The following ASMTL variants were observed in gnomAD, a reference collection of about 807,000 sequenced individuals.
ASMTL encodes probable bifunctional dTTP/UTP pyrophosphatase/methyltransferase protein.
Under a neutral mutation model 60.3 loss-of-function variants are expected in ASMTL, and 57 were observed. That is an observed-to-expected ratio of 0.95 (90% CI 0.76 to 1.18). ASMTL has a LOEUF of 1.18. Ranked by LOEUF, ASMTL falls within the 50% of genes most tolerant of loss-of-function variation. The pLI is 0.00. For synonymous variants in ASMTL, 419 were observed against 373.0 expected (o/e 1.12, Z -1.42); for missense variants, 981 against 852.6 (o/e 1.15, Z -1.88).
At chrX:1,453,681 A>G (rs1196762804), upstream of ASMTL, 4 of 141,198 alleles carry the variant, frequency 2.8e-5, no homozygotes, top group Admixed American at 2.9e-4. Flanking sequence ...GGGAAGGTAG[A>G]GATAGGGGGT....
chrX:1,417,546 G>GACACAC (rs59114659), intron 11 of ASMTL, among the ~76,000 whole-genome samples: 41 of 137,186 alleles, frequency 3.0e-4, no homozygotes, highest in Middle Eastern at 4.5e-3. Context: ...CATGCACACA[G>GACACAC]ACACACAAGC....
intron 11 of ASMTL, among the ~76,000 whole-genome samples, chrX:1,417,555 G>C (rs2090336270): frequency 1.3e-5 from 1 of 77,964 alleles, no homozygotes; most frequent in African/African-American, 5.0e-5. Context: ...AGACACACAA[G>C]CACGACAGTC....
At chrX:1,422,446 T>C (rs2090507217) in intron 8 of ASMTL, among the ~76,000 whole-genome samples, 1 of 151,932 alleles carries the variant, frequency 6.6e-6, no homozygotes, top group Non-Finnish European at 1.5e-5. Flanking sequence ...TCAAGATAAA[T>C]CTCCTAGGTT....
intron 7 of ASMTL, 85 bp from the exon 8 acceptor site, chrX:1,425,772 G>T: frequency 7.1e-7 from 1 of 1,415,742 alleles, no homozygotes; most frequent in Non-Finnish European, 9.7e-7. Flanking sequence ...GGAGGCCAAC[G>T]CTGTCGGAAG....
rs776155867 is a variant in ASMTL at position 1,425,505 on chromosome X, A to T, written c.1060+20T>A. On this transcript the variant is annotated intron_variant, in intron 8 of 12. Transcript: ENST00000381317. The stretch of plus-strand genomic sequence containing the variant: ...CCACCTGCAAAGATCCTCAGAGCAA[A>T]ACCCGCTGGGTCCTGTCACCTTGCT... 2.5e-6 allele frequency: 4 copies of T among 1,605,148 alleles called. No homozygotes were observed. The highest frequency in any genetic ancestry group is 3.4e-5 in the Admixed American group (2 of 59,498).
chrX:1,411,289 G>GT (rs745894738), intron 12 of ASMTL, among the ~76,000 whole-genome samples: 89 of 152,296 alleles, frequency 5.8e-4, no homozygotes, highest in Non-Finnish European at 1.2e-3. Context: ...GGGGAGTCCT[G>GT]TTTCAACGCG....
At chrX:1,431,183 TTA>T (rs1335859321) in intron 6 of ASMTL, among the ~76,000 whole-genome samples, 1 of 126,268 alleles carries the variant, frequency 7.9e-6, no homozygotes, top group Admixed American at 8.9e-5. Flanking sequence ...TTGTTTATAA[TTA>T]TATATAATTA....
At chrX:1,433,200 G>A (rs1448306846) in intron 5 of ASMTL, among the ~76,000 whole-genome samples, 1 of 152,160 alleles carries the variant, frequency 6.6e-6, no homozygotes, top group Non-Finnish European at 1.5e-5. Context: ...AGGAGCGAAA[G>A]CAGGCGTTTT....
At chrX:1,430,871 T>C (rs1166918924) in intron 6 of ASMTL, among the ~76,000 whole-genome samples, 1 of 141,108 alleles carries the variant, frequency 7.1e-6, no homozygotes, top group Non-Finnish European at 1.5e-5. Context: ...TATACTTTTA[T>C]AATATAAAAA....
At chrX:1,404,963 G>A (rs1297651977) in intron 12 of ASMTL, among the ~76,000 whole-genome samples, 4 of 151,326 alleles carry the variant, frequency 2.6e-5, no homozygotes, top group Non-Finnish European at 4.4e-5. Context: ...GAGAGGGATG[G>A]ATGGGTGAAT....
chrX:1,445,175 C>T (rs1240884488), intron 1 of ASMTL, among the ~76,000 whole-genome samples: 2 of 152,160 alleles, frequency 1.3e-5, no homozygotes, highest in Non-Finnish European at 2.9e-5. Context: ...GGACCAGCGG[C>T]ACTAAGCTAG....
At chrX:1,449,713 T>G (rs182646958) in intron 1 of ASMTL, among the ~76,000 whole-genome samples, 3,079 of 121,092 alleles carry the variant, frequency 0.025, 114 homozygotes, top group African/African-American at 0.098. Context: ...CCATCACCAG[T>G]AACTATCCAC....
intron 6 of ASMTL, among the ~76,000 whole-genome samples, chrX:1,430,669 G>A (rs2090745066): frequency 6.6e-6 from 1 of 151,692 alleles, no homozygotes; most frequent in South Asian, 2.1e-4. Context: ...CCACTAGTGG[G>A]GCTGAGGTGA....
intron 1 of ASMTL, among the ~76,000 whole-genome samples, chrX:1,451,816 T>TAGG (rs2091396287): frequency 7.2e-6 from 1 of 139,558 alleles, no homozygotes; most frequent in Non-Finnish European, 1.6e-5. Context: ...TCCCCATGCC[T>TAGG]GGGGGTCCCG....
At chrX:1,418,806 G>T in intron 10 of ASMTL, 176 bp downstream of exon 10, 1 of 313,034 alleles carries the variant, frequency 3.2e-6, no homozygotes, top group Non-Finnish European at 4.6e-6. Context: ...GGCATCCCCG[G>T]GGTCCTCCTG....
Position 1,425,515 on chromosome X carries a change from G to A in ASMTL, c.1060+10C>T. ...AGATCCTCAGAGCAAAACCCGCTGGGTCCTGTCACCTTGCTCTGTCTTCTC... is the reference window on the plus strand; with the variant it reads ...AGATCCTCAGAGCAAAACCCGCTGGATCCTGTCACCTTGCTCTGTCTTCTC... On this transcript the variant is annotated intron_variant, in intron 8 of 12. Coordinates refer to ENST00000381317, the MANE Select transcript of ASMTL (RefSeq NM_004192.4). 1 of 1,609,612 alleles carries A rather than the reference G, an allele frequency of 6.2e-7. No individual in the cohort carries two copies. The highest frequency in any genetic ancestry group is 1.1e-5 in the South Asian group (1 of 90,942).
Position 1,421,826 on chromosome X carries a change from C to G in ASMTL, c.1077G>C (p.Glu359Asp). 6.2e-7 allele frequency: 1 copy of G among 1,613,844 alleles called. No individual in the cohort carries two copies. The highest frequency in any genetic ancestry group is 1.3e-5 in the African/African-American group (1 of 74,992). Residue 359 changes from glutamate to aspartate, a missense_variant, in exon 9 of 13, where the codon GAG (glutamate) becomes GAC (aspartate). Coordinates refer to ENST00000381317, the MANE Select transcript of ASMTL (RefSeq NM_004192.4). Reference protein sequence around the residue: ...EKTEQGYSNTETANVYLASDG... With the variant: ...EKTEQGYSNTDTANVYLASDG... ...CCGATGCCAGGTAGACGTTCGCTGT[C>G]TCTGTGTTACTGTAACCTGGAGAAA...
intron 5 of ASMTL, among the ~76,000 whole-genome samples, chrX:1,433,362 G>A (rs1438969331): frequency 6.6e-6 from 1 of 151,360 alleles, no homozygotes; most frequent in Non-Finnish European, 1.5e-5. Context: ...GTTAATCCTG[G>A]CCTTTTAAGA....
chrX:1,405,279 G>A (rs1282069716), intron 12 of ASMTL, among the ~76,000 whole-genome samples: 3 of 141,904 alleles, frequency 2.1e-5, no homozygotes, highest in Admixed American at 2.1e-4. Context: ...TAGATGAGTG[G>A]ATGGATAGAT....
Sources: allele counts gnomAD v4.1 joint callset (sites outside exome capture counted in the v4.1 genomes callset), GRCh38; gene constraint gnomAD v4.1.1; transcripts MANE v1.5; gene names NCBI Gene and HGNC (gene_info 2026-07-23, HGNC 2026-07-21).